Variants in TNKS2 observed in about 807,000 individuals in gnomAD.
TNKS2 encodes the protein tankyrase 2, also known as poly [ADP-ribose] polymerase tankyrase-2.
Under a neutral mutation model 137.6 loss-of-function variants are expected in TNKS2, and 72 were observed. That is an observed-to-expected ratio of 0.52 (90% CI 0.43 to 0.64). TNKS2 has a LOEUF of 0.64. TNKS2 is among the 30% of genes least tolerant of loss of function. The pLI, the probability that TNKS2 is intolerant of heterozygous loss-of-function variation, is 0.00. For missense variants in TNKS2, 1,049 were observed against 1,410.2 expected (o/e 0.74, Z 4.10); for synonymous variants, 516 against 512.1 (o/e 1.01, Z -0.10).
intron 1 of TNKS2, among the ~76,000 whole-genome samples, chr10:91,808,307 T>G (rs1366869652): frequency 1.3e-5 from 2 of 151,656 alleles, no homozygotes; most frequent in African/African-American, 4.8e-5. Context: ...AAGGGTGGCA[T>G]GTACCAAGTC....
At chr10:91,849,638 A>G (rs1223372800) in intron 20 of TNKS2, 44 bp downstream of exon 20, 2 of 1,488,642 alleles carry the variant, frequency 1.3e-6, no homozygotes, top group Non-Finnish European at 9.1e-7. Flanking sequence ...TTTTATGGAA[A>G]CTCAAGGAAA....
intron 21 of TNKS2, 83 bp downstream of exon 21, chr10:91,851,419 A>ATATG (rs34313104): frequency 0.62 from 875,300 of 1,407,316 alleles, 284,264 homozygotes; most frequent in East Asian, 0.93. Flanking sequence ...TAATTTAAAA[A>ATATG]TATGAGAGAA....
In TNKS2 at chr10:91,851,334, A is replaced by G. The variant is rs1329038110; in HGVS notation, c.2813A>G (p.Gln938Arg). 6.2e-7 allele frequency: 1 copy of G among 1,609,430 alleles called. No individual in the cohort carries two copies. The highest frequency in any genetic ancestry group is 1.3e-5 in the African/African-American group (1 of 74,618). ...GTCGAGAGACTTATCTCCGGACAAC[A>G]AGGTATTTTATTTTAATAATTGCTG... The part of the protein sequence containing the change: ...KGVERLISGQ[Q>R]GLNPYLTLNT... Residue 938 changes from glutamine (Q) to arginine (R), a missense_variant and splice_region_variant, in exon 21 of 27, where the codon CAA becomes CGA. Coordinates refer to ENST00000371627, the MANE Select transcript of TNKS2 (RefSeq NM_025235.4).
rs1429355376 is a variant in TNKS2, at chr10:91,827,173, C to A, written c.952C>A (p.Pro318Thr). 5 of 1,570,342 alleles carry A rather than the reference C, an allele frequency of 3.2e-6. No homozygotes were observed. Among genetic ancestry groups the A allele is most frequent in the South Asian group, 1.2e-5 (1 of 83,308 alleles). ...CAATAAAAGTGCTATAGACTTGGCT[C>A]CCACACCACAGTTAAAAGAAAGATT... ...CHNKSAIDLA[P>T]TPQLKERLAY... is the part of the protein sequence containing the mutation. The change falls in exon 8 of 27, where the codon CCC (proline) becomes ACC (threonine). Residue 318 changes from proline to threonine, a missense_variant. Pro to Thr is a conservative substitution (Grantham distance 38). Transcript: ENST00000371627.
At chr10:91,848,229 C>T (rs1441226362) in intron 18 of TNKS2, among the ~76,000 whole-genome samples, 154 bp from the exon 19 acceptor site, 4 of 152,150 alleles carry the variant, frequency 2.6e-5, no homozygotes, top group African/African-American at 9.7e-5. Flanking sequence ...CTGTATTAAC[C>T]TGTTTGCTTC....
chr10:91,799,202 GCCTCTACACA>G (rs930870627), intron 1 of TNKS2, among the ~76,000 whole-genome samples: 4 of 152,052 alleles, frequency 2.6e-5, no homozygotes, highest in African/African-American at 9.7e-5. Flanking sequence ...ACCCTAGAAG[GCCTCTACACA>G]CAAGAAAGAG....
intron 1 of TNKS2, among the ~76,000 whole-genome samples, chr10:91,804,712 G>T (rs926035086): frequency 6.6e-6 from 1 of 152,176 alleles, no homozygotes; most frequent in African/African-American, 2.4e-5. Flanking sequence ...TAACAATAGA[G>T]ATTTTATCAA....
chr10:91,808,466 G>A (rs1844399526), intron 1 of TNKS2, among the ~76,000 whole-genome samples: 1 of 152,140 alleles, frequency 6.6e-6, no homozygotes, highest in African/African-American at 2.4e-5. Context: ...GAGAGCATCA[G>A]TGGGAAGCCA....
chr10:91,814,585 C>T (rs771544997), intron 2 of TNKS2, among the ~76,000 whole-genome samples: 2 of 152,228 alleles, frequency 1.3e-5, no homozygotes, highest in African/African-American at 4.8e-5. Context: ...ATCCTGCAAG[C>T]TCCATTCATG....
intron 18 of TNKS2, among the ~76,000 whole-genome samples, chr10:91,848,058 C>G (rs1842432192): frequency 6.6e-6 from 1 of 152,080 alleles, no homozygotes; most frequent in Non-Finnish European, 1.5e-5. Flanking sequence ...GTGTTTTCGG[C>G]TTTTGGATAT....
chr10:91,823,367 G>T (rs2421703), intron 7 of TNKS2, among the ~76,000 whole-genome samples: 93,881 of 134,906 alleles, frequency 0.7, 33,568 homozygotes, highest in East Asian at 0.9. Flanking sequence ...TCGCTCTGTC[G>T]CCCAGGCTGG....
At chr10:91,807,817 A>AC (rs1045262335) in intron 1 of TNKS2, among the ~76,000 whole-genome samples, 11 of 150,902 alleles carry the variant, frequency 7.3e-5, no homozygotes, top group Admixed American at 2.0e-4. Flanking sequence ...ACATGGTGAA[A>AC]CCCCCCCTTT....
chr10:91,822,988 G>T (rs1844947412), intron 7 of TNKS2, among the ~76,000 whole-genome samples: 1 of 150,896 alleles, frequency 6.6e-6, no homozygotes, highest in Non-Finnish European at 1.5e-5. Flanking sequence ...TGGAGATGGA[G>T]GTTACAGTGA....
intron 24 of TNKS2, 46 bp from the exon 25 acceptor site, chr10:91,859,416 C>T: frequency 7.3e-7 from 1 of 1,365,130 alleles, no homozygotes; most frequent in African/African-American, 1.5e-5. Flanking sequence ...ACTTTTTATT[C>T]TAAGATAAAT....
intron 9 of TNKS2, among the ~76,000 whole-genome samples, chr10:91,830,659 A>T (rs573820675): frequency 3.9e-5 from 6 of 152,372 alleles, no homozygotes; most frequent in African/African-American, 1.2e-4. Context: ...TCATCACACC[A>T]GTGCTAGCTT....
At chr10:91,835,318 C>T (rs1268382223) in intron 12 of TNKS2, among the ~76,000 whole-genome samples, 7 of 111,760 alleles carry the variant, frequency 6.3e-5, no homozygotes, top group South Asian at 2.6e-4. Flanking sequence ...CAAGCAGGGT[C>T]TCGCACTGTC....
intron 24 of TNKS2, 78 bp from the exon 25 acceptor site, chr10:91,859,384 G>T: frequency 8.1e-7 from 1 of 1,235,402 alleles, no homozygotes. Flanking sequence ...TAAGAATTCA[G>T]TTTCTAAGAA....
At chr10:91,857,369 G>A (rs1177366691) in intron 23 of TNKS2, 56 bp from the exon 24 acceptor site, 3 of 1,276,662 alleles carry the variant, frequency 2.3e-6, no homozygotes, top group Non-Finnish European at 3.3e-6. Context: ...TGGTTTAGAT[G>A]AAGAAGTCAG....
chr10:91,843,095 GA>G (rs879419524), intron 16 of TNKS2, among the ~76,000 whole-genome samples: 92 of 144,202 alleles, frequency 6.4e-4, no homozygotes, highest in Middle Eastern at 3.6e-3. Flanking sequence ...GCACAAGCAG[GA>G]AAAAAAAAAA....
Sources: gnomAD v4.1 joint callset for allele counts (sites outside exome capture counted in the v4.1 genomes callset) on GRCh38, gnomAD v4.1.1 for gene constraint, MANE v1.5 for transcripts, NCBI Gene and HGNC (gene_info 2026-07-23, HGNC 2026-07-21) for gene names.